The following PLXDC2 variants were observed in gnomAD, a reference collection of about 807,000 sequenced individuals.
PLXDC2 encodes the protein plexin domain-containing protein 2.
A neutral mutation model predicts 68.9 loss-of-function variants in PLXDC2; 40 were observed. That is an observed-to-expected ratio of 0.58 (90% confidence interval 0.45 to 0.76). The LOEUF is 0.76. PLXDC2 is among the 30% of genes least tolerant of loss of function. The pLI is 0.00. For missense variants in PLXDC2, 644 were observed against 661.9 expected, an observed-to-expected ratio of 0.97 and a Z score of 0.30; for synonymous variants, 243 against 234.2, an observed-to-expected ratio of 1.04 and a Z score of -0.34.
chr10:20,157,274 T>C (rs1306014372), intron 6 of PLXDC2, among the ~76,000 whole-genome samples: 1 of 152,214 alleles, frequency 6.6e-6, no homozygotes, highest in Non-Finnish European at 1.5e-5. Flanking sequence ...GAACACCATA[T>C]TGCAGATTAG....
chr10:19,889,530 T>G (rs1837911401), intron 1 of PLXDC2, among the ~76,000 whole-genome samples: 1 of 152,170 alleles, frequency 6.6e-6, no homozygotes, highest in Admixed American at 6.5e-5. Flanking sequence ...AGAGAAAACT[T>G]ATTAAGTGAC....
At chr10:19,883,333 G>A (rs1234060992) in intron 1 of PLXDC2, among the ~76,000 whole-genome samples, 2 of 152,162 alleles carry the variant, frequency 1.3e-5, no homozygotes, top group Non-Finnish European at 2.9e-5. Context: ...AAAAGCATGA[G>A]AGGTGTTTAG....
intron 4 of PLXDC2, among the ~76,000 whole-genome samples, chr10:20,074,746 T>C (rs1351522564): frequency 6.6e-6 from 1 of 152,186 alleles, no homozygotes; most frequent in Non-Finnish European, 1.5e-5. Flanking sequence ...TTATTACTCA[T>C]GATGATTGAT....
intron 6 of PLXDC2, among the ~76,000 whole-genome samples, chr10:20,148,458 G>C (rs1834108062): frequency 6.6e-6 from 1 of 151,984 alleles, no homozygotes; most frequent in Non-Finnish European, 1.5e-5. Context: ...GAAAAAACAA[G>C]GAAATTTAAA....
At chr10:20,156,061 C>G (rs762483179) in intron 6 of PLXDC2, among the ~76,000 whole-genome samples, 5 of 151,812 alleles carry the variant, frequency 3.3e-5, no homozygotes, top group Non-Finnish European at 5.9e-5. Context: ...TTGTGTCTCC[C>G]CCAAACCCAG....
intron 1 of PLXDC2, among the ~76,000 whole-genome samples, chr10:19,846,708 G>A (rs955691177): frequency 1.3e-5 from 2 of 152,176 alleles, no homozygotes; most frequent in African/African-American, 2.4e-5. Context: ...GGGAAACATG[G>A]AAGGACAGTC....
chr10:20,080,002 CAT>C (rs777462862), intron 4 of PLXDC2, among the ~76,000 whole-genome samples: 7 of 152,026 alleles, frequency 4.6e-5, no homozygotes, highest in Non-Finnish European at 5.9e-5. Context: ...ATTTAAAACA[CAT>C]ATGACAGTGA....
chr10:19,859,809 G>A (rs577291976), intron 1 of PLXDC2, among the ~76,000 whole-genome samples: 1 of 152,256 alleles, frequency 6.6e-6, no homozygotes, highest in Non-Finnish European at 1.5e-5. Flanking sequence ...TCAGCTTACT[G>A]CAAACTTCCT....
chr10:19,831,461 G>T (rs1305535360), intron 1 of PLXDC2, among the ~76,000 whole-genome samples: 1 of 151,998 alleles, frequency 6.6e-6, no homozygotes, highest in Admixed American at 6.6e-5. Context: ...AGGCTGAGGG[G>T]TACATGTGAA....
At chr10:20,070,121 T>C (rs1021903298) in intron 4 of PLXDC2, among the ~76,000 whole-genome samples, 1 of 152,144 alleles carries the variant, frequency 6.6e-6, no homozygotes, top group Non-Finnish European at 1.5e-5. Flanking sequence ...ATGGTATCTT[T>C]ACCAAAAAAT....
intron 3 of PLXDC2, among the ~76,000 whole-genome samples, chr10:20,056,939 T>C (rs1836008778): frequency 6.6e-6 from 1 of 152,164 alleles, no homozygotes; most frequent in South Asian, 2.1e-4. Flanking sequence ...TTAGAAGGTT[T>C]CATATTAAAC....
chr10:20,052,072 A>C (rs372751888), intron 3 of PLXDC2, among the ~76,000 whole-genome samples: 11 of 152,102 alleles, frequency 7.2e-5, no homozygotes, highest in African/African-American at 2.4e-4. Flanking sequence ...GTTAAAACAC[A>C]CTGACACACA....
chr10:19,959,777 A>G (rs1834126829), intron 1 of PLXDC2, among the ~76,000 whole-genome samples: 1 of 152,148 alleles, frequency 6.6e-6, no homozygotes, highest in Admixed American at 6.5e-5. Flanking sequence ...CTAGGGACCC[A>G]CAGATTTTGA....
At chr10:20,243,211 G>C (rs1241932970) in intron 12 of PLXDC2, among the ~76,000 whole-genome samples, 1 of 152,090 alleles carries the variant, frequency 6.6e-6, no homozygotes, top group Non-Finnish European at 1.5e-5. Flanking sequence ...TGGTGTGTGA[G>C]CTCAGTTCTA....
chr10:19,879,510 G>T (rs1287879344), intron 1 of PLXDC2, among the ~76,000 whole-genome samples: 1 of 152,080 alleles, frequency 6.6e-6, no homozygotes, highest in East Asian at 1.9e-4. Flanking sequence ...TAGACACTTT[G>T]CCAAGTGCTT....
intron 4 of PLXDC2, among the ~76,000 whole-genome samples, chr10:20,109,890 C>T (rs1036531989): frequency 6.6e-6 from 1 of 152,152 alleles, no homozygotes; most frequent in Non-Finnish European, 1.5e-5. Flanking sequence ...GCTTGCTAAA[C>T]GGAGGAATAA....
chr10:20,091,854 C>A (rs753626030), intron 4 of PLXDC2: 1 of 152,236 alleles, frequency 6.6e-6, no homozygotes, highest in Non-Finnish European at 1.5e-5. Flanking sequence ...CTGCTCTTCA[C>A]ACCTGTTGTA....
chr10:20,071,841 G>T (rs1388810903), intron 4 of PLXDC2, among the ~76,000 whole-genome samples: 1 of 152,188 alleles, frequency 6.6e-6, no homozygotes, highest in African/African-American at 2.4e-5. Flanking sequence ...TGGCCTTAGA[G>T]GAAGGTAGAA....
At chr10:20,250,295 C>A (rs1168237084) in intron 13 of PLXDC2, among the ~76,000 whole-genome samples, 7 of 131,008 alleles carry the variant, frequency 5.3e-5, no homozygotes, top group Non-Finnish European at 1.0e-4. Flanking sequence ...AAAAAAAATT[C>A]ATGACTCTAT....
Sources: allele counts gnomAD v4.1 joint callset (sites outside exome capture counted in the v4.1 genomes callset), GRCh38; gene constraint gnomAD v4.1.1; transcripts MANE v1.5; gene names NCBI Gene and HGNC (gene_info 2026-07-23, HGNC 2026-07-21).